Variants in SYCP2 observed in about 807,000 individuals in gnomAD.
The protein encoded by SYCP2 is synaptonemal complex lateral element protein.
SYCP2 carries 55 observed loss-of-function variants against 211.3 expected under a neutral mutation model. That is an observed-to-expected ratio of 0.26 (90% CI 0.21 to 0.33). The LOEUF (loss-of-function observed/expected upper bound fraction) is 0.33, where lower values mean the gene tolerates loss of function less well. Among genes scored for constraint, SYCP2 ranks in the 10% least tolerant of loss-of-function variants. The pLI is 1.00. For missense variants in SYCP2, 1,731 were observed against 1,752.0 expected (o/e 0.99, Z 0.21); for synonymous variants, 570 against 555.2 (o/e 1.03, Z -0.37).
Position 59,913,915 on chromosome 20 carries a change from T to G in SYCP2, c.830+60A>C. 10 of 1,246,406 alleles carry G rather than the reference T, an allele frequency of 8.0e-6. No individual in the cohort carries two copies. The South Asian group carries it at 1.5e-4, about 19-fold the overall frequency. The allele number at this position is 1,246,406 out of a possible 1,614,324, so 77.2% of individuals were successfully genotyped here. A position where few individuals can be genotyped will look rare whatever the true frequency, so the allele number is the denominator to read the frequency against. ...AAATGTATAAAGATGCAACACTGGG[T>G]GCTCACTCTTGAGCTCTATTTATTT... On this transcript the variant is annotated intron_variant, in intron 12 of 44. Coordinates refer to ENST00000357552, the MANE Select transcript of SYCP2 (RefSeq NM_014258.4).
chr20:59,864,835 A>G (rs2059298212), intron 44 of SYCP2, among the ~76,000 whole-genome samples: 1 of 152,022 alleles, frequency 6.6e-6, no homozygotes, highest in Non-Finnish European at 1.5e-5. Flanking sequence ...GTGTACTTAA[A>G]AATGCCTTTC....
At position 59,865,303 on chromosome 20, in the gene SYCP2, AAG is replaced by A. The variant is rs1468284700; in HGVS notation, c.4515+83_4515+84del. On this transcript the variant is annotated intron_variant, in intron 44 of 44. Coordinates refer to ENST00000357552, the MANE Select transcript of SYCP2 (RefSeq NM_014258.4). The stretch of plus-strand genomic sequence containing the variant: ...TTTCTCTCAACCCAAAAGAAAAAGA[AAG>A]ACATAAAAGCACACACACAAAAAAA... The A allele has an allele frequency of 3.8e-6, 4 of 1,064,504 alleles. No individual in the cohort carries two copies. In the East Asian group the frequency reaches 9.6e-5, roughly 26 times the overall value. 65.9% of individuals were successfully genotyped at this position (1,064,504 alleles called of 1,614,324 possible). A position where few individuals can be genotyped will look rare whatever the true frequency, so the allele number is the denominator to read the frequency against.
intron 24 of SYCP2, among the ~76,000 whole-genome samples, chr20:59,888,245 C>T (rs11906548): frequency 0.034 from 5,203 of 151,934 alleles, 255 homozygotes; most frequent in African/African-American, 0.11. Flanking sequence ...CACAAAAATC[C>T]GCAACATCAG....
chr20:59,867,588 G>A, intron 39 of SYCP2, 123 bp downstream of exon 39: 1 of 721,208 alleles, frequency 1.4e-6, no homozygotes, highest in South Asian at 2.0e-5. Context: ...TCACATATAA[G>A]GAAAGTTGGT....
intron 3 of SYCP2, among the ~76,000 whole-genome samples, chr20:59,921,926 T>C (rs1448606749): frequency 6.6e-6 from 1 of 151,610 alleles, no homozygotes; most frequent in Non-Finnish European, 1.5e-5. Flanking sequence ...ATAATATTTA[T>C]AACATTATTA....
chr20:59,892,097 T>C lies in SYCP2; in HGVS notation c.2257A>G (p.Thr753Ala). The C allele has an allele frequency of 1.9e-6, 3 of 1,612,202 alleles. No individual in the cohort carries two copies. Among genetic ancestry groups the C allele is most frequent in the Non-Finnish European group, 2.5e-6 (3 of 1,178,974 alleles). Residue 753 changes from threonine to alanine, a missense_variant, in exon 24 of 45, where the codon ACT (threonine) becomes GCT (alanine). Physicochemically the swap from Thr to Ala is moderately conservative, Grantham distance 58. Coordinates refer to ENST00000357552, the MANE Select transcript of SYCP2 (RefSeq NM_014258.4). ...YILSKDVNTA[T>A]CDKNPSASKN... is the part of the protein sequence containing the mutation. ...CTAGCAGATGGATTTTTATCGCAAG[T>C]AGCAGTATTCACATCTTTTGACAAT...
intron 24 of SYCP2, among the ~76,000 whole-genome samples, chr20:59,887,363 T>A (rs1224555107): frequency 6.6e-6 from 1 of 152,196 alleles, no homozygotes; most frequent in Non-Finnish European, 1.5e-5. Flanking sequence ...TTCCATGGTG[T>A]ATTTGTGCCA....
In SYCP2 at chr20:59,868,476, T is replaced by G. The variant is rs761478023; in HGVS notation, c.3925A>C (p.Arg1309=). 20 of 1,611,392 alleles carry G rather than the reference T, an allele frequency of 1.2e-5. No homozygotes were observed. Among genetic ancestry groups the G allele is most frequent in the South Asian group, 4.4e-5 (4 of 90,950 alleles). ...AGTTTTTTGGGAAGCAAGTTTGCTC[T>G]CCTTTCTCCTTTCTCTTCCATTTCT... ...EVEMEEKGER[R]ANLLPKKLCK... is the part of the protein sequence containing the mutation. Residue 1309 remains arginine, a synonymous_variant, in exon 38 of 45, where the codon AGA becomes CGA. Transcript: ENST00000357552.
chr20:59,933,040 C>G (rs2145930738), intron 1 of SYCP2, among the ~76,000 whole-genome samples: 1 of 152,220 alleles, frequency 6.6e-6, no homozygotes, highest in African/African-American at 2.4e-5. Flanking sequence ...AAAGCACACA[C>G]ACACCCGAGA....
chr20:59,901,648 G>A lies in SYCP2; in HGVS notation c.1182+14C>T, dbSNP rs767058152. 1.6e-5 allele frequency: 22 copies of A among 1,411,670 alleles called. No homozygotes were observed. The highest frequency in any genetic ancestry group is 2.1e-5 in the Non-Finnish European group (22 of 1,027,912). 87.4% of individuals were successfully genotyped at this position (1,411,670 alleles called of 1,614,324 possible). ...TATGAAAATAGTAAATATTTATTAA[G>A]TTTAAAGACTTACCCTATGTTTAGT... On this transcript the variant is annotated intron_variant, in intron 16 of 44. Transcript: ENST00000357552.
chr20:59,907,543 A>G (rs1471750852), intron 14 of SYCP2, 119 bp from the exon 15 acceptor site: 1 of 705,422 alleles, frequency 1.4e-6, no homozygotes, highest in Non-Finnish European at 2.4e-6. Context: ...CTAAGTAACT[A>G]GTTTATATAA....
Position 59,876,369 on chromosome 20 carries a change from CAAAAAAAAAAAAAAAAAAAAAAA to C in SYCP2, c.3151-923_3151-901del, listed in dbSNP as rs765782164. 3.2e-3 allele frequency among the ~76,000 whole-genome samples: 73 copies of C among 23,092 alleles called. 1 individual carries two copies. In the East Asian group the frequency reaches 0.045, roughly 14 times the overall value. 15.1% of individuals were successfully genotyped at this position (23,092 alleles called of 152,430 possible). A position where few individuals can be genotyped will look rare whatever the true frequency, so the allele number is the denominator to read the frequency against. ...CTGGTGACAAAGCGAGGCTGTGTCT[CAAAAAAAAAAAAAAAAAAAAAAA>C]AAAAAAAAAAAAAAAAAAAGAAGAA... On this transcript the variant is annotated intron_variant, in intron 33 of 44. Coordinates refer to ENST00000357552, the MANE Select transcript of SYCP2 (RefSeq NM_014258.4).
rs114265521 is a variant in SYCP2, at chr20:59,888,598, A to G, written c.2365-1764T>C. ...CCTACTAAAATCAGAAACAAAGCAA[A>G]AATGTCCCCTCTCATTGCTTCTTTT... On this transcript the variant is annotated intron_variant, in intron 24 of 44. Transcript: ENST00000357552. 2.3e-3 allele frequency among the ~76,000 whole-genome samples: 354 copies of G among 152,138 alleles called. 1 individual carries two copies. The highest frequency in any genetic ancestry group is 8.1e-3 in the African/African-American group (337 of 41,544).
At chr20:59,914,076 T>G (rs987299868) in intron 11 of SYCP2, 33 bp downstream of exon 11, 1 of 1,577,240 alleles carries the variant, frequency 6.3e-7, no homozygotes, top group Non-Finnish European at 8.6e-7. Flanking sequence ...TTTTTAAAAA[T>G]TCACGAATTT....
chr20:59,878,647 T>C (rs2059606444), intron 31 of SYCP2, among the ~76,000 whole-genome samples: 1 of 152,156 alleles, frequency 6.6e-6, no homozygotes, highest in Non-Finnish European at 1.5e-5. Context: ...AGGTCTTAGT[T>C]ACTTGCTTTA....
At chr20:59,869,719 C>G (rs1409274552) in intron 36 of SYCP2, 79 bp downstream of exon 36, 4 of 722,500 alleles carry the variant, frequency 5.5e-6, no homozygotes, top group Non-Finnish European at 9.0e-6. Context: ...TTATAATTAC[C>G]ACTAAAGGTC....
At chr20:59,915,892 G>A (rs529533153) in intron 8 of SYCP2, among the ~76,000 whole-genome samples, 2 of 152,102 alleles carry the variant, frequency 1.3e-5, no homozygotes, top group East Asian at 3.9e-4. Context: ...TACTCGGAAG[G>A]GAGGCAGGAG....
rs2059388668 is a variant in SYCP2, at chr20:59,868,309, T to C, written c.3988+104A>G. ...TAAAGCATCATCCATCTTGGACATA[T>C]CCAAAGTTGTCTTTACAAATTTGTT... is the stretch of plus-strand genomic sequence containing the variant. On this transcript the variant is annotated intron_variant, in intron 38 of 44. Coordinates refer to ENST00000357552, the MANE Select transcript of SYCP2 (RefSeq NM_014258.4). 3.4e-6 allele frequency: 4 copies of C among 1,192,668 alleles called. No individual in the cohort carries two copies. In the South Asian group the frequency reaches 5.7e-5, roughly 17 times the overall value. 73.9% of individuals were successfully genotyped at this position (1,192,668 alleles called of 1,614,324 possible).
intron 14 of SYCP2, among the ~76,000 whole-genome samples, chr20:59,910,369 T>A (rs1459340979): frequency 6.8e-6 from 1 of 147,162 alleles, no homozygotes; most frequent in South Asian, 2.1e-4. Flanking sequence ...ATAGTGTAAT[T>A]GCTTATTTTT....
Sources: allele counts gnomAD v4.1 joint callset (sites outside exome capture counted in the v4.1 genomes callset), GRCh38; gene constraint gnomAD v4.1.1; transcripts MANE v1.5; gene names NCBI Gene and HGNC (gene_info 2026-07-23, HGNC 2026-07-21).